The following SCUBE2 variants were observed in gnomAD, a reference collection of about 807,000 sequenced individuals.
The protein encoded by SCUBE2 is signal peptide, CUB domain and EGF like domain containing 2.
SCUBE2 carries 114 observed loss-of-function variants against 125.9 expected under a neutral mutation model. That is an observed-to-expected ratio of 0.91 (90% CI 0.78 to 1.06). SCUBE2 has a LOEUF of 1.06. SCUBE2 is among the 50% of genes least tolerant of loss of function. SCUBE2 has a pLI of 0.00. For synonymous variants in SCUBE2, 459 were observed against 492.9 expected, an observed-to-expected ratio of 0.93 and a Z score of 0.91; for missense variants, 1,255 against 1,301.8, an observed-to-expected ratio of 0.96 and a Z score of 0.55.
intron 10 of SCUBE2, among the ~76,000 whole-genome samples, chr11:9,054,717 ATATATATATTTTTT>A (rs1858861317): frequency 6.1e-5 from 4 of 65,928 alleles, no homozygotes; most frequent in African/African-American, 1.9e-4. Flanking sequence ...ATATATATAT[ATATATATATTTTTT>A]TTTTTTTTTT....
chr11:9,090,104 T>C (rs749414635), intron 1 of SCUBE2, among the ~76,000 whole-genome samples: 1 of 152,070 alleles, frequency 6.6e-6, no homozygotes, highest in Non-Finnish European at 1.5e-5. Context: ...TGACCCCCAT[T>C]GTAGCTGCCC....
chr11:9,071,027 T>A (rs2135781157), intron 4 of SCUBE2, among the ~76,000 whole-genome samples: 1 of 152,302 alleles, frequency 6.6e-6, no homozygotes, highest in East Asian at 1.9e-4. Context: ...TCCGAAGATG[T>A]GATTTGCACC....
At chr11:9,051,750 A>G (rs143728043) in intron 13 of SCUBE2, among the ~76,000 whole-genome samples, 501 of 152,364 alleles carry the variant, frequency 3.3e-3, no homozygotes, top group Non-Finnish European at 5.3e-3. Flanking sequence ...GAGATAATGC[A>G]TTTAAAAAAA....
rs1370521402 is a variant in SCUBE2 at position 9,031,304 on chromosome 11, C to T, written c.2174-379G>A. On this transcript the variant is annotated intron_variant, in intron 17 of 22. Transcript: ENST00000649792. ...AATTTGGTAATTAGACCCAGAAGTA[C>T]CCCTTTACCCAGCTGATTACAGCCT... 3 of 161,020 alleles carry T rather than the reference C, an allele frequency of 1.9e-5. No homozygotes were observed. In the Admixed American group the frequency reaches 1.9e-4, roughly 10 times the overall value. 10.0% of individuals were successfully genotyped at this position (161,020 alleles called of 1,614,324 possible).
chr11:9,040,617 G>A (rs7120964), intron 16 of SCUBE2, among the ~76,000 whole-genome samples: 2,432 of 108,474 alleles, frequency 0.022, no homozygotes, highest in African/African-American at 0.046. Context: ...GGTATACACC[G>A]TGGGTACGCA....
intron 21 of SCUBE2, chr11:9,024,284 A>C (rs72856032): frequency 0.11 from 124,504 of 1,096,154 alleles, 7,750 homozygotes; most frequent in Non-Finnish European, 0.13. Context: ...AGAGGTTGCC[A>C]GTTGGTTGCT....
Position 9,079,428 on chromosome 11 carries a change from C to T in SCUBE2, c.338G>A (p.Cys113Tyr). 1 of 1,614,172 alleles carries T rather than the reference C, an allele frequency of 6.2e-7. No homozygotes were observed. The highest frequency in any genetic ancestry group is 8.5e-7 in the Non-Finnish European group (1 of 1,180,010). The change falls in exon 3 of 23, where the codon TGT becomes TAT. Residue 113 changes from cysteine to tyrosine, a missense_variant. By Grantham distance (194) the Cys-to-Tyr change is radical (BLOSUM62 -2). This residue lies in a region of SCUBE2 where 362 missense variants were observed against 323.0 expected (regional missense o/e 1.12). Transcript: ENST00000649792. ...ATGAGCCAACATGAAGCCATCAAAA[C>T]AAGTGCAACGATAATTGCCTGGAAT... ...LNIPGNYRCTCFDGFMLAHDG... is the reference protein window; with the variant it reads ...LNIPGNYRCTYFDGFMLAHDG...
At chr11:9,079,547 T>C in intron 2 of SCUBE2, 38 bp from the exon 3 acceptor site, 1 of 1,604,778 alleles carries the variant, frequency 6.2e-7, no homozygotes, top group Non-Finnish European at 8.5e-7. Context: ...ACAGGTGCTA[T>C]TTCTTTGATG....
chr11:9,027,398 G>A lies in SCUBE2; in HGVS notation c.2667C>T (p.Asp889=), dbSNP rs143312731. The change falls in exon 20 of 23, where the codon GAC becomes GAT. Residue 889 remains aspartate (D), a synonymous_variant. Coordinates refer to ENST00000649792, the MANE Select transcript of SCUBE2 (RefSeq NM_001367977.2). ...VVPEIFLPIE[D]DCGDYLVMRK... is the part of the protein sequence containing the mutation. ...GCATCACCAGATAGTCCCCACAGTC[G>A]TCCTCTATGGGCAGGAAGATCTCAG... The A allele has an allele frequency of 6.2e-6, 10 of 1,613,858 alleles. No individual in the cohort carries two copies. The highest frequency in any genetic ancestry group is 1.1e-5 in the South Asian group (1 of 91,058).
chr11:9,021,010 G>T lies in SCUBE2; in HGVS notation c.*35C>A. The T allele has an allele frequency of 6.3e-7, 1 of 1,596,010 alleles. No homozygotes were observed. The highest frequency in any genetic ancestry group is 1.1e-5 in the South Asian group (1 of 87,400). On this transcript the variant is annotated 3_prime_UTR_variant, in exon 23 of 23. Transcript: ENST00000649792. ...ACAGCTCTGTCCCACCAACCCTATA[G>T]CAGAACATTTGTATTGAGTGGCACG... is the stretch of plus-strand genomic sequence containing the variant.
chr11:9,027,644 C>T, intron 19 of SCUBE2, 83 bp from the exon 20 acceptor site: 1 of 1,178,190 alleles, frequency 8.5e-7, no homozygotes. Context: ...CCCCGCAGCA[C>T]CCCTGTTGCC....
chr11:9,039,827 T>C (rs1050518300), intron 16 of SCUBE2, among the ~76,000 whole-genome samples: 8 of 152,182 alleles, frequency 5.3e-5, no homozygotes, highest in South Asian at 2.1e-4. Context: ...GACTCTCGCC[T>C]CTCAATACAT....
rs1180336973 is a variant in SCUBE2, at chr11:9,072,206, T to C, written c.517+2275A>G. Among the ~76,000 whole-genome samples, 3 of 140,242 alleles carry C rather than the reference T, an allele frequency of 2.1e-5. No homozygotes were observed. In the South Asian group the frequency reaches 7.2e-4, roughly 34 times the overall value. The allele number at this position is 140,242 out of a possible 152,430, so 92.0% of individuals were successfully genotyped here. Reference sequence around the variant, plus strand: ...GTGGGTTTTGTTTTGTTTTGGTTTGTTTTGTTTGTTTTGTTTTATTGAGGT... The same window carrying C: ...GTGGGTTTTGTTTTGTTTTGGTTTGCTTTGTTTGTTTTGTTTTATTGAGGT... On this transcript the variant is annotated intron_variant, in intron 4 of 22. Transcript: ENST00000649792.
intron 6 of SCUBE2, among the ~76,000 whole-genome samples, chr11:9,066,270 G>C (rs1860221485): frequency 6.6e-6 from 1 of 152,212 alleles, no homozygotes; most frequent in Admixed American, 6.5e-5. Context: ...GAGAAAAAGA[G>C]CCTTGGGCCT....
intron 2 of SCUBE2, among the ~76,000 whole-genome samples, chr11:9,087,455 G>T (rs1862191317): frequency 6.6e-6 from 1 of 152,122 alleles, no homozygotes; most frequent in Admixed American, 6.5e-5. Flanking sequence ...TGGTATGGAG[G>T]AATCAGCAGA....
chr11:9,047,690 G>C, intron 15 of SCUBE2, 128 bp from the exon 16 acceptor site: 1 of 1,008,604 alleles, frequency 9.9e-7, no homozygotes, highest in Non-Finnish European at 1.5e-6. Flanking sequence ...AAACCTGGAG[G>C]GGGCACCTAG....
Position 9,021,131 on chromosome 11 carries a change from C to T in SCUBE2, c.3001G>A (p.Ala1001Thr). The T allele has an allele frequency of 6.2e-7, 1 of 1,613,554 alleles. No homozygotes were observed. The highest frequency in any genetic ancestry group is 2.2e-5 in the East Asian group (1 of 44,852). Residue 1001 changes from alanine to threonine, a missense_variant, in exon 23 of 23, where the codon GCC (alanine) becomes ACC (threonine). Around this residue, in one of 3 missense-constraint regions of SCUBE2, gnomAD observed 515 missense variants for 515.7 expected, o/e 1.00. Transcript: ENST00000649792. ...GGAAACATCTCTCGGGACTCCTGGG[C>T]TGTGTACTTGAAATAGTTCTGGGGA... ...AHPQNYFKYT[A>T]QESREMFPRS...
chr11:9,082,759 G>A (rs1861746541), intron 2 of SCUBE2, among the ~76,000 whole-genome samples: 1 of 152,208 alleles, frequency 6.6e-6, no homozygotes, highest in South Asian at 2.1e-4. Context: ...TACGTGAAAT[G>A]TCCAGAAAAG....
At chr11:9,042,065 AGAG>A (rs1857304396) in intron 16 of SCUBE2, among the ~76,000 whole-genome samples, 1 of 152,150 alleles carries the variant, frequency 6.6e-6, no homozygotes, top group African/African-American at 2.4e-5. Context: ...CTGGACATGA[AGAG>A]AAGAAGTTGT....
Sources: allele counts gnomAD v4.1 joint callset (sites outside exome capture counted in the v4.1 genomes callset), GRCh38; gene constraint gnomAD v4.1.1; regional missense constraint gnomAD v4.1.1; transcripts MANE v1.5; gene names NCBI Gene and HGNC (gene_info 2026-07-23, HGNC 2026-07-21).